Variants in GUCY1A2 observed in about 807,000 individuals in gnomAD.
GUCY1A2 encodes guanylate cyclase soluble subunit alpha-2.
In GUCY1A2, 27 loss-of-function variants were observed where a neutral mutation model predicts 63.5. The ratio of observed to expected loss-of-function variants is 0.43; its 90% CI spans 0.31 to 0.59. The LOEUF (loss-of-function observed/expected upper bound fraction) is 0.59, where lower values mean the gene tolerates loss of function less well. Ranked by LOEUF, GUCY1A2 falls within the 20% of genes least tolerant of loss-of-function variation. GUCY1A2 has a pLI of 0.11. For synonymous variants in GUCY1A2, 364 were observed against 343.5 expected (o/e 1.06, Z -0.66); for missense variants, 768 against 913.3 (o/e 0.84, Z 2.05).
chr11:106,842,072 G>A (rs1037128518), intron 4 of GUCY1A2, among the ~76,000 whole-genome samples: 1 of 151,880 alleles, frequency 6.6e-6, no homozygotes, highest in Non-Finnish European at 1.5e-5. Flanking sequence ...GAGTGGGAGA[G>A]GAGAGAAAGT....
chr11:106,741,974 A>G (rs928291498), intron 6 of GUCY1A2, among the ~76,000 whole-genome samples: 1 of 152,220 alleles, frequency 6.6e-6, no homozygotes, highest in African/African-American at 2.4e-5. Flanking sequence ...ATGTATAACA[A>G]GGCTGTTCAT....
intron 4 of GUCY1A2, among the ~76,000 whole-genome samples, chr11:106,838,719 C>A (rs963231795): frequency 1.3e-5 from 2 of 152,022 alleles, no homozygotes; most frequent in Admixed American, 1.3e-4. Flanking sequence ...ATTTGCATTT[C>A]TCTGATGGCC....
chr11:106,955,184 C>A (rs899333536), intron 3 of GUCY1A2, among the ~76,000 whole-genome samples: 16 of 152,204 alleles, frequency 1.1e-4, no homozygotes, highest in Admixed American at 7.9e-4. Flanking sequence ...GTTGGTCAGG[C>A]TGGTCTTGAA....
At chr11:106,991,632 T>C (rs976357700) in intron 1 of GUCY1A2, among the ~76,000 whole-genome samples, 1 of 152,188 alleles carries the variant, frequency 6.6e-6, no homozygotes, top group African/African-American at 2.4e-5. Flanking sequence ...AATTCAAGTA[T>C]CAAGAGAAGT....
At chr11:106,739,526 G>A (rs1863652632) in intron 6 of GUCY1A2, among the ~76,000 whole-genome samples, 1 of 152,184 alleles carries the variant, frequency 6.6e-6, no homozygotes, top group African/African-American at 2.4e-5. Flanking sequence ...TTAGGGAATT[G>A]AAAGTCAGAG....
At chr11:106,897,557 A>G (rs1407990683) in intron 4 of GUCY1A2, among the ~76,000 whole-genome samples, 1 of 152,060 alleles carries the variant, frequency 6.6e-6, no homozygotes, top group African/African-American at 2.4e-5. Flanking sequence ...ATATATATAT[A>G]TAGTAAAACT....
intron 4 of GUCY1A2, among the ~76,000 whole-genome samples, chr11:106,927,246 G>A (rs559503165): frequency 2.6e-5 from 4 of 151,446 alleles, no homozygotes; most frequent in South Asian, 4.2e-4. Context: ...GGTGGCGGGC[G>A]CCTGTAGTCC....
chr11:106,698,690 T>G (rs1000582126), intron 7 of GUCY1A2, among the ~76,000 whole-genome samples: 33 of 152,202 alleles, frequency 2.2e-4, no homozygotes, highest in African/African-American at 8.0e-4. Flanking sequence ...TGATTTTCTA[T>G]TAATGCTACT....
In GUCY1A2 at chr11:107,016,297, T is replaced by C. The variant is rs549981824; in HGVS notation, c.303+1456A>G. 1.1e-4 allele frequency among the ~76,000 whole-genome samples: 17 copies of C among 152,366 alleles called. No homozygotes were observed. In the South Asian group the frequency reaches 3.3e-3, roughly 30 times the overall value. ...TGCTGTCAGGAGGAGCTAAAGCTCT[T>C]GTATCCAAGGTCAGGGTGAGCATAA... On this transcript the variant is annotated intron_variant, in intron 1 of 7. Transcript: ENST00000526355.
chr11:106,785,259 G>A (rs758157436), intron 5 of GUCY1A2, among the ~76,000 whole-genome samples: 10 of 152,080 alleles, frequency 6.6e-5, no homozygotes, highest in Non-Finnish European at 1.2e-4. Context: ...GAGAAAAACC[G>A]TTTCCACTTC....
In GUCY1A2 at chr11:106,865,339, T is replaced by G. The variant is rs972600984; in HGVS notation, c.1207-54861A>C. ...TTAATCTTTTCAAAAAACCAGATCC[T>G]GGATTCATTGATTTTTTGAAGGGTT... is the stretch of plus-strand genomic sequence containing the variant. On this transcript the variant is annotated intron_variant, in intron 4 of 7. Transcript: ENST00000526355. Among the ~76,000 whole-genome samples, 3 of 152,070 alleles carry G rather than the reference T, an allele frequency of 2.0e-5. No individual in the cohort carries two copies. The South Asian group carries it at 6.2e-4, about 31-fold the overall frequency.
intron 4 of GUCY1A2, among the ~76,000 whole-genome samples, chr11:106,895,961 C>G (rs1860041741): frequency 6.6e-6 from 1 of 150,626 alleles, no homozygotes; most frequent in Non-Finnish European, 1.5e-5. Context: ...TTTCAGTGAG[C>G]CAAGATCGTG....
intron 6 of GUCY1A2, among the ~76,000 whole-genome samples, chr11:106,709,833 C>T (rs374918702): frequency 3.1e-4 from 18 of 57,568 alleles, no homozygotes; most frequent in African/African-American, 7.7e-4. Context: ...ATTATATACA[C>T]GTATAGAATA....
At chr11:106,862,457 G>C (rs995664527) in intron 4 of GUCY1A2, among the ~76,000 whole-genome samples, 1 of 148,920 alleles carries the variant, frequency 6.7e-6, no homozygotes, top group Non-Finnish European at 1.5e-5. Flanking sequence ...CTCCTGAACA[G>C]CTTCTGGATT....
chr11:106,900,649 C>T (rs1286526370), intron 4 of GUCY1A2, among the ~76,000 whole-genome samples: 1 of 152,126 alleles, frequency 6.6e-6, no homozygotes, highest in African/African-American at 2.4e-5. Flanking sequence ...TTTTTCTGTA[C>T]AGGCATAGCT....
chr11:106,964,505 G>C (rs1417237010), intron 3 of GUCY1A2, among the ~76,000 whole-genome samples: 1 of 152,180 alleles, frequency 6.6e-6, no homozygotes, highest in African/African-American at 2.4e-5. Context: ...CATGAAGTGT[G>C]CATTAATAGA....
chr11:106,877,203 T>A (rs548211918), intron 4 of GUCY1A2, among the ~76,000 whole-genome samples: 11 of 152,032 alleles, frequency 7.2e-5, no homozygotes, highest in Non-Finnish European at 1.2e-4. Flanking sequence ...CTGCTTATCA[T>A]CATAAGGAGC....
chr11:106,827,927 C>CG, intron 4 of GUCY1A2: 2 of 1,269,252 alleles, frequency 1.6e-6, no homozygotes, highest in Non-Finnish European at 2.3e-6. Flanking sequence ...AATATCGCGG[C>CG]GGAACAGCGA....
At chr11:106,954,193 C>T (rs988749622) in intron 3 of GUCY1A2, among the ~76,000 whole-genome samples, 1 of 152,102 alleles carries the variant, frequency 6.6e-6, no homozygotes, top group African/African-American at 2.4e-5. Context: ...AGCTATGTTC[C>T]AGAGATTCTG....
Sources: allele counts gnomAD v4.1 joint callset (sites outside exome capture counted in the v4.1 genomes callset), GRCh38; gene constraint gnomAD v4.1.1; transcripts MANE v1.5; gene names NCBI Gene and HGNC (gene_info 2026-07-23, HGNC 2026-07-21).